MGRN1: variants seen among roughly 807,000 people sequenced by gnomAD.
The protein encoded by MGRN1 is E3 ubiquitin-protein ligase MGRN1.
Under a neutral mutation model 69.2 loss-of-function variants are expected in MGRN1, and 29 were observed. The ratio of observed to expected loss-of-function variants is 0.42; its 90% CI spans 0.31 to 0.57. MGRN1 has a LOEUF of 0.57. Among genes scored for constraint, MGRN1 ranks in the 20% least tolerant of loss-of-function variants. MGRN1 has a pLI of 0.15. For synonymous variants in MGRN1, 470 were observed against 344.2 expected (o/e 1.37, Z -4.04); for missense variants, 998 against 796.2 (o/e 1.25, Z -3.05).
intron 15 of MGRN1, among the ~76,000 whole-genome samples, 156 bp from the exon 16 acceptor site, chr16:4,683,687 C>A (rs1035838364): frequency 1.3e-5 from 2 of 152,136 alleles, no homozygotes; most frequent in Admixed American, 1.3e-4. Flanking sequence ...CCCTGGAGAG[C>A]AGGTGGGGTC....
chr16:4,650,277 T>C (rs558671919), intron 1 of MGRN1, 88 bp from the exon 2 acceptor site: 3 of 1,024,724 alleles, frequency 2.9e-6, no homozygotes, highest in African/African-American at 3.4e-5. Context: ...CACTCCAGCC[T>C]GGGTGGAGCG....
chr16:4,668,177 G>A, intron 7 of MGRN1, 88 bp from the exon 8 acceptor site: 2 of 1,084,200 alleles, frequency 1.8e-6, no homozygotes, highest in South Asian at 1.5e-5. Flanking sequence ...GATTGGCTGG[G>A]GCAGGGTGGC....
In MGRN1 at chr16:4,682,818, C is replaced by A; in HGVS notation, c.1359-5C>A. On this transcript the variant is annotated splice_polypyrimidine_tract_variant and splice_region_variant and intron_variant, in intron 13 of 16. Coordinates refer to ENST00000262370, the MANE Select transcript of MGRN1 (RefSeq NM_015246.4). ...ACCCCTGCCCACCCTCTCCTCTGTC[C>A]CCAGCACCCTACGGTCCCCGTCTTC... 1 of 1,574,754 alleles carries A rather than the reference C, an allele frequency of 6.4e-7. No homozygotes were observed.
At chr16:4,681,463 CAG>C in intron 12 of MGRN1, 85 bp from the exon 13 acceptor site, 1 of 1,301,148 alleles carries the variant, frequency 7.7e-7, no homozygotes, top group Non-Finnish European at 1.1e-6. Context: ...CCCCAAAGAA[CAG>C]AGTGGACAGG....
intron 4 of MGRN1, among the ~76,000 whole-genome samples, chr16:4,655,672 G>A (rs974896244): frequency 4.7e-5 from 7 of 150,094 alleles, no homozygotes; most frequent in East Asian, 2.0e-4. Context: ...CTCTCAGGAC[G>A]CGGTGCAAGG....
At chr16:4,629,150 A>ATATGTG (rs1555445266) in intron 1 of MGRN1, among the ~76,000 whole-genome samples, 1 of 127,602 alleles carries the variant, frequency 7.8e-6, no homozygotes, top group Admixed American at 7.6e-5. Flanking sequence ...TTCTGTTCGT[A>ATATGTG]TGTGTGTGTG....
Position 4,683,851 on chromosome 16 carries a change from G to A in MGRN1, c.1537G>A (p.Ala513Thr). The change falls in exon 16 of 17, where the codon GCA becomes ACA. Residue 513 changes from alanine (A) to threonine (T), a missense_variant. Physicochemically the swap from Ala to Thr is moderately conservative, Grantham distance 58 (BLOSUM62 0). Coordinates refer to ENST00000262370, the MANE Select transcript of MGRN1 (RefSeq NM_015246.4). The part of the protein sequence containing the change: ...ESSSPQQGTR[A>T]ASIENVLQDS... ...TCACCCTCTGCCTGCAGGGACCCGA[G>A]CAGCTTCCATTGAGAATGTCCTGCA... The A allele has an allele frequency of 6.2e-7, 1 of 1,612,718 alleles. No individual in the cohort carries two copies. Among genetic ancestry groups the A allele is most frequent in the South Asian group, 1.1e-5 (1 of 90,950 alleles).
chr16:4,672,536 A>G (rs1230492080), intron 9 of MGRN1: 1 of 444,722 alleles, frequency 2.2e-6, no homozygotes, highest in African/African-American at 2.0e-5. Context: ...TTCATGTTTC[A>G]TACCAGGGGG....
At chr16:4,625,906 C>T (rs1272859523) in intron 1 of MGRN1, among the ~76,000 whole-genome samples, 1 of 152,190 alleles carries the variant, frequency 6.6e-6, no homozygotes, top group Non-Finnish European at 1.5e-5. Context: ...AGATTGGGTC[C>T]TCAGATCCTG....
At chr16:4,657,778 C>T (rs536542136) in intron 5 of MGRN1, among the ~76,000 whole-genome samples, 4 of 126,794 alleles carry the variant, frequency 3.2e-5, no homozygotes, top group Non-Finnish European at 6.5e-5. Flanking sequence ...GACAGTCTCG[C>T]TCTGTCGCCC....
intron 16 of MGRN1, chr16:4,688,306 G>C (rs976400500): frequency 1.0e-6 from 1 of 987,132 alleles, no homozygotes; most frequent in South Asian, 4.7e-5. Flanking sequence ...GGGGCTCTGT[G>C]GGAGGCTCCT....
intron 4 of MGRN1, 118 bp from the exon 5 acceptor site, chr16:4,657,126 TGA>T: frequency 1.1e-6 from 1 of 938,872 alleles, no homozygotes. Context: ...CTGTTCCCCA[TGA>T]GAGAGGGTCC....
At chr16:4,672,475 G>C in intron 9 of MGRN1, 2 of 456,732 alleles carry the variant, frequency 4.4e-6, no homozygotes, top group South Asian at 1.5e-5. Flanking sequence ...TCCACGTGGC[G>C]GGAGCGGAGC....
intron 4 of MGRN1, among the ~76,000 whole-genome samples, chr16:4,653,408 G>T (rs1357717155): frequency 6.6e-6 from 1 of 152,222 alleles, no homozygotes. Flanking sequence ...CAGGATTGAT[G>T]ATTAACTCCA....
At chr16:4,677,141 T>G (rs1391023141) in intron 10 of MGRN1, 1 of 231,266 alleles carries the variant, frequency 4.3e-6, no homozygotes, top group East Asian at 8.6e-5. Flanking sequence ...TGGGCAGCAC[T>G]GCATGGCCTT....
At chr16:4,681,835 G>T in intron 13 of MGRN1, 59 bp downstream of exon 13, 2 of 1,506,608 alleles carry the variant, frequency 1.3e-6, no homozygotes, top group South Asian at 1.2e-5. Flanking sequence ...GTGCGGAGCG[G>T]GTGTCTTTGT....
At chr16:4,679,767 G>T (rs944895856) in intron 11 of MGRN1, among the ~76,000 whole-genome samples, 3 of 152,196 alleles carry the variant, frequency 2.0e-5, no homozygotes, top group Non-Finnish European at 4.4e-5. Flanking sequence ...CCAGACTGCG[G>T]GGGGACAGGC....
chr16:4,625,238 C>G (rs1022922404), intron 1 of MGRN1, among the ~76,000 whole-genome samples, 190 bp downstream of exon 1: 1 of 152,150 alleles, frequency 6.6e-6, no homozygotes, highest in Non-Finnish European at 1.5e-5. Flanking sequence ...GGAACCTGCC[C>G]GAGCCGTACC....
rs117822763 is a variant in MGRN1 at position 4,633,106 on chromosome 16, G to T, written c.88+8058G>T. 1.4e-3 allele frequency among the ~76,000 whole-genome samples: 218 copies of T among 151,928 alleles called. 5 individuals are homozygous for T. In the East Asian group the frequency reaches 0.037, roughly 26 times the overall value. ...TCTAAAGAATAAATTAATAAAATTTGGCCGGGTGCAGTGGCTCACACCTGT... is the reference window on the plus strand; with the variant it reads ...TCTAAAGAATAAATTAATAAAATTTTGCCGGGTGCAGTGGCTCACACCTGT... On this transcript the variant is annotated intron_variant, in intron 1 of 16. Transcript: ENST00000262370.
Sources: allele counts gnomAD v4.1 joint callset (sites outside exome capture counted in the v4.1 genomes callset), GRCh38; gene constraint gnomAD v4.1.1; transcripts MANE v1.5; gene names NCBI Gene and HGNC (gene_info 2026-07-23, HGNC 2026-07-21).